Variants in UGT1A10 observed in about 807,000 individuals in gnomAD.
UGT1A10 encodes the protein UDP glucuronosyltransferase family 1 member A10, also known as UDP-glucuronosyltransferase 1A10.
Under a neutral mutation model 45.8 loss-of-function variants are expected in UGT1A10, and 49 were observed. The ratio of observed to expected loss-of-function variants is 1.07; its 90% CI spans 0.85 to 1.36. The LOEUF (loss-of-function observed/expected upper bound fraction) is 1.36, where lower values mean the gene tolerates loss of function less well. UGT1A10 is among the 40% of genes most tolerant of loss of function. UGT1A10 has a pLI of 0.00. For missense variants in UGT1A10, 745 were observed against 668.6 expected, an observed-to-expected ratio of 1.11 and a Z score of -1.26; for synonymous variants, 284 against 249.7, an observed-to-expected ratio of 1.14 and a Z score of -1.29.
At chr2:233,760,770 C>T in intron 1 of UGT1A10, 2 of 1,614,054 alleles carry the variant, frequency 1.2e-6, no homozygotes, top group Non-Finnish European at 1.7e-6. Context: ...CCATCGTGGC[C>T]CAGTACCTGT....
intron 1 of UGT1A10, chr2:233,754,922 T>C: frequency 7.4e-7 from 1 of 1,349,928 alleles, no homozygotes; most frequent in South Asian, 1.1e-5. Flanking sequence ...CCAGCGGGTT[T>C]CCCAAGAGGT....
At chr2:233,705,912 A>C (rs2075878682) in intron 1 of UGT1A10, among the ~76,000 whole-genome samples, 1 of 152,094 alleles carries the variant, frequency 6.6e-6, no homozygotes, top group Non-Finnish European at 1.5e-5. Context: ...AAATAGTGAA[A>C]CTCCTTCTCT....
intron 1 of UGT1A10, among the ~76,000 whole-genome samples, chr2:233,740,474 C>T (rs1003783592): frequency 2.0e-5 from 3 of 151,920 alleles, no homozygotes; most frequent in African/African-American, 7.3e-5. Context: ...CAGAAAGGAT[C>T]ATTCCCTCTT....
intron 1 of UGT1A10, among the ~76,000 whole-genome samples, chr2:233,750,222 G>A (rs1326774834): frequency 6.6e-6 from 1 of 151,918 alleles, no homozygotes; most frequent in Non-Finnish European, 1.5e-5. Flanking sequence ...AGATGGAGAT[G>A]AGGAACTTAT....
chr2:233,717,406 G>A (rs1313287999), intron 1 of UGT1A10, among the ~76,000 whole-genome samples: 2 of 152,170 alleles, frequency 1.3e-5, no homozygotes, highest in African/African-American at 4.8e-5. Flanking sequence ...TCCTGCATAT[G>A]CCTCCCTTGA....
chr2:233,682,020 T>A (rs1434831582), intron 1 of UGT1A10: 2 of 1,614,134 alleles, frequency 1.2e-6, no homozygotes. Flanking sequence ...GCAGGGAAGC[T>A]GCTGGTAGTG....
intron 1 of UGT1A10, chr2:233,741,829 T>C (rs1473126770): frequency 6.6e-6 from 1 of 151,946 alleles, no homozygotes; most frequent in African/African-American, 2.4e-5. Context: ...GCCTATCCAG[T>C]TCAGTTGCCT....
chr2:233,767,698 C>T (rs1699451194), intron 2 of UGT1A10, 151 bp from the exon 3 acceptor site: 8 of 1,500,274 alleles, frequency 5.3e-6, no homozygotes, highest in Non-Finnish European at 6.2e-6. Flanking sequence ...CGGAAGTTGC[C>T]AGTCCTCAGA....
intron 1 of UGT1A10, among the ~76,000 whole-genome samples, chr2:233,656,733 C>T (rs1421530829): frequency 6.6e-6 from 1 of 152,042 alleles, no homozygotes; most frequent in South Asian, 2.1e-4. Context: ...CCTTCTGTCC[C>T]GTCGTGGCTG....
At chr2:233,685,871 C>A (rs1042918991) in intron 1 of UGT1A10, among the ~76,000 whole-genome samples, 9 of 152,122 alleles carry the variant, frequency 5.9e-5, no homozygotes, top group African/African-American at 1.7e-4. Flanking sequence ...ATACCTAAGA[C>A]AATCAATAAT....
intron 1 of UGT1A10, among the ~76,000 whole-genome samples, chr2:233,666,950 T>C (rs547177711): frequency 6.6e-6 from 1 of 152,290 alleles, no homozygotes; most frequent in East Asian, 1.9e-4. Flanking sequence ...GTTTCCAGCT[T>C]CATCAATGTC....
Position 233,636,536 on chromosome 2 carries a change from G to T in UGT1A10, c.14G>T (p.Gly5Val). The part of the protein sequence containing the change: MARA[G>V]WTSPVPLCVC... ...TGCAGTTCTCTCATGGCTCGCGCAGGGTGGACCAGCCCCGTTCCTTTATGT... is the reference window on the plus strand; with the variant it reads ...TGCAGTTCTCTCATGGCTCGCGCAGTGTGGACCAGCCCCGTTCCTTTATGT... The change falls in exon 1 of 5, where the codon GGG becomes GTG. Residue 5 changes from glycine to valine, a missense_variant. By Grantham distance (109) the Gly-to-Val change is moderately radical. Coordinates refer to ENST00000344644, the MANE Select transcript of UGT1A10 (RefSeq NM_019075.4). The T allele has an allele frequency of 1.9e-6, 3 of 1,613,794 alleles. No individual in the cohort carries two copies. The highest frequency in any genetic ancestry group is 2.5e-6 in the Non-Finnish European group (3 of 1,179,850).
chr2:233,729,062 G>A (rs930563151), intron 1 of UGT1A10: 176 of 1,610,848 alleles, frequency 1.1e-4, no homozygotes, highest in Admixed American at 1.2e-4. Context: ...TAATTAAGAT[G>A]AAGAAAGCAA....
At chr2:233,697,815 A>T (rs1380168225) in intron 1 of UGT1A10, among the ~76,000 whole-genome samples, 2 of 152,006 alleles carry the variant, frequency 1.3e-5, no homozygotes, top group African/African-American at 4.8e-5. Context: ...TTTCTTTTTA[A>T]TTTCAAGAAA....
intron 1 of UGT1A10, among the ~76,000 whole-genome samples, chr2:233,684,525 A>T (rs1342289288): frequency 6.6e-6 from 1 of 152,190 alleles, no homozygotes; most frequent in Non-Finnish European, 1.5e-5. Context: ...ATTATATATG[A>T]TTCTATACCA....
chr2:233,682,226 C>A, intron 1 of UGT1A10: 1 of 1,614,196 alleles, frequency 6.2e-7, no homozygotes. Flanking sequence ...TGCCGATGCT[C>A]GCTGGACGGC....
In UGT1A10 at chr2:233,676,729, A is replaced by T. The variant is rs1238370163; in HGVS notation, c.855+39352A>T. ...AGAATGTCAGTGTGTGTTTTGCCTG[A>T]TGTTTTCATCGTGGTAAAACTGGGT... On this transcript the variant is annotated intron_variant, in intron 1 of 4. Transcript: ENST00000344644. 2.6e-5 allele frequency among the ~76,000 whole-genome samples: 4 copies of T among 152,148 alleles called. 1 individual carries two copies. The highest frequency in any genetic ancestry group is 5.9e-5 in the Non-Finnish European group (4 of 68,032).
chr2:233,703,764 G>T (rs1013118641), intron 1 of UGT1A10, among the ~76,000 whole-genome samples: 4 of 152,032 alleles, frequency 2.6e-5, no homozygotes, highest in Admixed American at 6.6e-5. Context: ...ATCTTCTGCA[G>T]ACAAGATATT....
At position 233,691,285 on chromosome 2, in the gene UGT1A10, T is replaced by C. The variant is rs866612488; in HGVS notation, c.855+53908T>C. On this transcript the variant is annotated intron_variant, in intron 1 of 4. Coordinates refer to ENST00000344644, the MANE Select transcript of UGT1A10 (RefSeq NM_019075.4). ...GCTGCCGCCCCCATGACTTTGATCA[T>C]TGTAAGCTGCCAATCCTCTTGGGAG... is the stretch of plus-strand genomic sequence containing the variant. 90 of 985,556 alleles carry C rather than the reference T, an allele frequency of 9.1e-5. No homozygotes were observed. In the Middle Eastern group the frequency reaches 2.1e-3, roughly 23 times the overall value. The allele number at this position is 985,556 out of a possible 1,614,324, so 61.1% of individuals were successfully genotyped here. A position where few individuals can be genotyped will look rare whatever the true frequency, so the allele number is the denominator to read the frequency against.
Sources: allele counts gnomAD v4.1 joint callset (sites outside exome capture counted in the v4.1 genomes callset), GRCh38; gene constraint gnomAD v4.1.1; transcripts MANE v1.5; gene names NCBI Gene and HGNC (gene_info 2026-07-23, HGNC 2026-07-21).